The following ADAMTSL1 variants were observed in gnomAD, a reference collection of about 807,000 sequenced individuals.
ADAMTSL1 encodes ADAMTS-like protein 1.
In ADAMTSL1, 126 loss-of-function variants were observed where a neutral mutation model predicts 201.8. That is an observed-to-expected ratio of 0.62 (90% CI 0.54 to 0.72). The LOEUF (loss-of-function observed/expected upper bound fraction) is 0.72, where lower values mean the gene tolerates loss of function less well. Among genes scored for constraint, ADAMTSL1 ranks in the 30% least tolerant of loss-of-function variants. The pLI is 0.00. For synonymous variants in ADAMTSL1, 1,121 were observed against 903.4 expected (o/e 1.24, Z -4.32); for missense variants, 2,679 against 2,277.8 (o/e 1.18, Z -3.59).
At chr9:18,662,535 A>G (rs755289639) in intron 9 of ADAMTSL1, among the ~76,000 whole-genome samples, 1 of 152,202 alleles carries the variant, frequency 6.6e-6, no homozygotes, top group South Asian at 2.1e-4. Context: ...CACACTGATT[A>G]TATAGAGTCA....
chr9:18,728,257 G>A (rs1818016024), intron 15 of ADAMTSL1, among the ~76,000 whole-genome samples: 1 of 152,118 alleles, frequency 6.6e-6, no homozygotes, highest in African/African-American at 2.4e-5. Flanking sequence ...TAAAGAGATA[G>A]AAACATCAGC....
In ADAMTSL1 at chr9:18,635,968, C is replaced by G; in HGVS notation, c.627C>G (p.Pro209=). Residue 209 remains proline (P), a synonymous_variant, in exon 6 of 29, where the codon CCC becomes CCG. Transcript: ENST00000380548. ...CGGATGATACTGTGGTTGCAATTCCCTATGGAAGTAGACATATTCGCCTTG... is the reference window on the plus strand; with the variant it reads ...CGGATGATACTGTGGTTGCAATTCCGTATGGAAGTAGACATATTCGCCTTG... ...TKSDDTVVAI[P]YGSRHIRLVL... is the part of the protein sequence containing the mutation. 3 of 1,601,784 alleles carry G rather than the reference C, an allele frequency of 1.9e-6. No homozygotes were observed. Among genetic ancestry groups the G allele is most frequent in the South Asian group, 1.1e-5 (1 of 88,134 alleles).
rs181048383 is a variant in ADAMTSL1, at chr9:17,997,644, T to G, written c.87+90722T>G. Among the ~76,000 whole-genome samples the G allele has an allele frequency of 1.3e-3, 195 of 152,108 alleles. 1 individual carries two copies. The highest frequency in any genetic ancestry group is 4.6e-3 in the African/African-American group (193 of 41,518). On this transcript the variant is annotated intron_variant, in intron 1 of 29. Coordinates refer to the ADAMTSL1 transcript ENST00000680146. ...GTTTCATTGACCTTTGTGAAAAAGG[T>G]GCTGGCTCTTGAATTCATGCATTAC...
intron 26 of ADAMTSL1, among the ~76,000 whole-genome samples, 155 bp downstream of exon 26, chr9:18,892,751 C>A (rs1381410371): frequency 6.6e-6 from 1 of 152,180 alleles, no homozygotes; most frequent in Non-Finnish European, 1.5e-5. Context: ...AGCTGAGACA[C>A]CCCCAGAGCA....
chr9:18,265,314 A>G (rs567066626), intron 2 of ADAMTSL1, among the ~76,000 whole-genome samples: 2 of 151,834 alleles, frequency 1.3e-5, no homozygotes, highest in Non-Finnish European at 2.9e-5. Context: ...TCAGGTCTTT[A>G]TTTCAGACTC....
At chr9:18,372,779 A>G (rs1209086401) in intron 2 of ADAMTSL1, among the ~76,000 whole-genome samples, 2 of 152,222 alleles carry the variant, frequency 1.3e-5, no homozygotes, top group Admixed American at 1.3e-4. Flanking sequence ...TCTCTAAAAT[A>G]TATGCTTTCT....
At chr9:18,799,244 C>G (rs1257863689) in intron 20 of ADAMTSL1, among the ~76,000 whole-genome samples, 4 of 152,192 alleles carry the variant, frequency 2.6e-5, no homozygotes, top group Non-Finnish European at 5.9e-5. Context: ...ACATACCTAA[C>G]ACTTTGAAGT....
chr9:18,095,416 C>CCTTT (rs1371286278), intron 1 of ADAMTSL1, among the ~76,000 whole-genome samples: 61 of 100,128 alleles, frequency 6.1e-4, no homozygotes, highest in Non-Finnish European at 1.0e-3. Context: ...TTCTTTCTTT[C>CCTTT]TTTTTTTTTT....
intron 2 of ADAMTSL1, among the ~76,000 whole-genome samples, chr9:18,199,406 G>T (rs1455920069): frequency 6.6e-6 from 1 of 151,776 alleles, no homozygotes; most frequent in Non-Finnish European, 1.5e-5. Flanking sequence ...TCAAATATAA[G>T]ACAATTGATC....
At chr9:18,383,947 C>T (rs1273202616) in intron 2 of ADAMTSL1, among the ~76,000 whole-genome samples, 1 of 152,142 alleles carries the variant, frequency 6.6e-6, no homozygotes, top group Non-Finnish European at 1.5e-5. Context: ...GCCCCAGATT[C>T]TGCATTTGTA....
chr9:18,252,468 A>G (rs761069701), intron 2 of ADAMTSL1, among the ~76,000 whole-genome samples: 8 of 152,102 alleles, frequency 5.3e-5, no homozygotes, highest in Non-Finnish European at 1.2e-4. Flanking sequence ...TACTATTTGC[A>G]TAAATCTACA....
In ADAMTSL1 at chr9:18,266,972, G is replaced by A. The variant is rs184706630; in HGVS notation, c.207+102991G>A. On this transcript the variant is annotated intron_variant, in intron 2 of 29. Transcript: ENST00000680146. ...CTTCAGTTTCTCACCTGAAGACGAC[G>A]TACACAGCAGGAATGAGTTTGCTCA... Among the ~76,000 whole-genome samples, 212 of 152,180 alleles carry A rather than the reference G, an allele frequency of 1.4e-3. 1 individual carries two copies. The highest frequency in any genetic ancestry group is 4.9e-3 in the African/African-American group (205 of 41,544).
chr9:18,323,975 T>C (rs1486351897), intron 2 of ADAMTSL1, among the ~76,000 whole-genome samples: 2 of 152,206 alleles, frequency 1.3e-5, no homozygotes, highest in Non-Finnish European at 2.9e-5. Flanking sequence ...TTGACAAGCT[T>C]ATTTTGTAAT....
intron 2 of ADAMTSL1, among the ~76,000 whole-genome samples, chr9:18,409,860 T>G (rs1818361037): frequency 2.0e-5 from 3 of 150,340 alleles, no homozygotes; most frequent in Non-Finnish European, 3.0e-5. Context: ...TAATGAAAAT[T>G]TATATATGTA....
intron 1 of ADAMTSL1, among the ~76,000 whole-genome samples, chr9:18,114,371 T>A (rs1348277362): frequency 6.6e-6 from 1 of 151,964 alleles, no homozygotes; most frequent in Non-Finnish European, 1.5e-5. Flanking sequence ...ACCTGACGAG[T>A]TTGTGCTGCA....
chr9:18,793,606 G>A (rs1020397873), intron 19 of ADAMTSL1, among the ~76,000 whole-genome samples: 2 of 152,130 alleles, frequency 1.3e-5, no homozygotes, highest in East Asian at 3.9e-4. Flanking sequence ...ATAATATTGG[G>A]TGAACAGTTT....
chr9:18,067,119 C>G (rs1373152475), intron 1 of ADAMTSL1, among the ~76,000 whole-genome samples: 1 of 152,022 alleles, frequency 6.6e-6, no homozygotes, highest in Non-Finnish European at 1.5e-5. Context: ...CACATGTACC[C>G]TAAAACTTAA....
At chr9:18,265,981 A>C (rs987426507) in intron 2 of ADAMTSL1, among the ~76,000 whole-genome samples, 16 of 152,164 alleles carry the variant, frequency 1.1e-4, no homozygotes, top group African/African-American at 3.6e-4. Context: ...TTGTGACATT[A>C]ACATGGAATA....
rs1481298584 is a variant in ADAMTSL1, at chr9:18,134,482, G to A, written c.88-29380G>A. Among the ~76,000 whole-genome samples, 8 of 152,126 alleles carry A rather than the reference G, an allele frequency of 5.3e-5. No homozygotes were observed. In the South Asian group the frequency reaches 6.2e-4, roughly 12 times the overall value. On this transcript the variant is annotated intron_variant, in intron 1 of 29. Coordinates refer to the ADAMTSL1 transcript ENST00000680146. ...AAGAAAGAAGCCCTAAGAGTATAAC[G>A]TCCCTAAGGATTCTGTAAAAAGTGC...
Sources: gnomAD v4.1 joint callset for allele counts (sites outside exome capture counted in the v4.1 genomes callset) on GRCh38, gnomAD v4.1.1 for gene constraint, MANE v1.5 for transcripts, NCBI Gene and HGNC (gene_info 2026-07-23, HGNC 2026-07-21) for gene names.